Variants in TRDN observed in about 807,000 individuals in gnomAD.
TRDN encodes the protein triadin.
A neutral mutation model predicts 149.7 loss-of-function variants in TRDN; 161 were observed. That is an observed-to-expected ratio of 1.08 (90% confidence interval 0.95 to 1.23). TRDN has a LOEUF of 1.23. Ranked by LOEUF, TRDN falls within the 50% of genes most tolerant of loss-of-function variation. The probability of loss-of-function intolerance (pLI) is 0.00; values close to 1 mark genes in which losing one functional copy is unlikely to be tolerated. For missense variants in TRDN, 896 were observed against 823.5 expected, an observed-to-expected ratio of 1.09 and a Z score of -1.08; for synonymous variants, 294 against 250.5, an observed-to-expected ratio of 1.17 and a Z score of -1.64.
At chr6:123,221,393 G>C in intron 40 of TRDN, 94 bp downstream of exon 40, 1 of 826,626 alleles carries the variant, frequency 1.2e-6, no homozygotes, top group South Asian at 2.7e-5. Context: ...TTTTTTCTTC[G>C]AATACTGGTC....
chr6:123,270,088 A>G (rs1443647197), intron 30 of TRDN, among the ~76,000 whole-genome samples: 1 of 152,158 alleles, frequency 6.6e-6, no homozygotes, highest in African/African-American at 2.4e-5. Flanking sequence ...ATTTAAAACA[A>G]TCTATATATT....
chr6:123,532,087 AT>A (rs1780278062), intron 4 of TRDN, among the ~76,000 whole-genome samples: 1 of 152,010 alleles, frequency 6.6e-6, no homozygotes, highest in Non-Finnish European at 1.5e-5. Flanking sequence ...GACCTATACT[AT>A]CCAATGCAGT....
chr6:123,480,687 A>G (rs1777710195), intron 9 of TRDN, among the ~76,000 whole-genome samples: 1 of 152,134 alleles, frequency 6.6e-6, no homozygotes, highest in Non-Finnish European at 1.5e-5. Flanking sequence ...GAGAAGAAAT[A>G]AGAGGAAAAA....
intron 12 of TRDN, among the ~76,000 whole-genome samples, chr6:123,405,696 C>T (rs1479359282): frequency 2.0e-5 from 3 of 152,074 alleles, no homozygotes; most frequent in Non-Finnish European, 4.4e-5. Flanking sequence ...TTCAACCAGG[C>T]TCACATTATG....
chr6:123,540,210 T>C (rs1194208512), intron 4 of TRDN, among the ~76,000 whole-genome samples: 1 of 152,200 alleles, frequency 6.6e-6, no homozygotes, highest in African/African-American at 2.4e-5. Flanking sequence ...AACAGGGATA[T>C]GCTACTAAAT....
At chr6:123,284,006 A>ATATATAT (rs1427267027) in intron 24 of TRDN, among the ~76,000 whole-genome samples, 4 of 119,498 alleles carry the variant, frequency 3.3e-5, no homozygotes, top group South Asian at 2.6e-4. Flanking sequence ...ATATATATGT[A>ATATATAT]ACAAACCTGC....
chr6:123,287,219 G>C (rs1440625673), intron 24 of TRDN, among the ~76,000 whole-genome samples: 5 of 152,004 alleles, frequency 3.3e-5, no homozygotes, highest in Admixed American at 6.6e-5. Flanking sequence ...CAAATCTGAA[G>C]ACATTTCACA....
chr6:123,619,664 T>C (rs1785279092), intron 1 of TRDN, among the ~76,000 whole-genome samples: 1 of 152,126 alleles, frequency 6.6e-6, no homozygotes, highest in Non-Finnish European at 1.5e-5. Context: ...GAAGAACACA[T>C]GAGATGGGAA....
intron 31 of TRDN, among the ~76,000 whole-genome samples, chr6:123,269,080 G>C (rs957661919): frequency 1.3e-5 from 2 of 151,934 alleles, no homozygotes; most frequent in African/African-American, 4.8e-5. Flanking sequence ...TCATGCATTT[G>C]TCTAAGCTTG....
At chr6:123,552,423 A>G (rs1781446301) in intron 2 of TRDN, among the ~76,000 whole-genome samples, 1 of 152,082 alleles carries the variant, frequency 6.6e-6, no homozygotes, top group African/African-American at 2.4e-5. Context: ...TTTCACTGTT[A>G]TCTTTGGCCA....
At chr6:123,250,647 G>A (rs1776341541) in intron 38 of TRDN, among the ~76,000 whole-genome samples, 1 of 151,792 alleles carries the variant, frequency 6.6e-6, no homozygotes, top group Non-Finnish European at 1.5e-5. Flanking sequence ...ATTTTAATAT[G>A]GATCACAGAA....
intron 38 of TRDN, among the ~76,000 whole-genome samples, chr6:123,248,353 T>G (rs9388201): frequency 0.74 from 112,919 of 151,896 alleles, 42,639 homozygotes; most frequent in Admixed American, 0.82. Flanking sequence ...GGTCAGGAGT[T>G]CGAGACCAGA....
At chr6:123,439,118 G>T in intron 10 of TRDN, 115 bp from the exon 11 acceptor site, 3 of 713,926 alleles carry the variant, frequency 4.2e-6, no homozygotes, top group South Asian at 3.7e-5. Flanking sequence ...CTTTGTGACT[G>T]AGCAAGTAAT....
At chr6:123,315,669 A>G (rs2114697950) in intron 24 of TRDN, among the ~76,000 whole-genome samples, 1 of 152,070 alleles carries the variant, frequency 6.6e-6, no homozygotes, top group African/African-American at 2.4e-5. Flanking sequence ...TCTTTTGGAT[A>G]GATATAAACA....
chr6:123,470,614 C>G (rs1253407859), intron 9 of TRDN: 1 of 152,176 alleles, frequency 6.6e-6, no homozygotes, highest in African/African-American at 2.4e-5. Flanking sequence ...CCCCACTAAA[C>G]TATATGGAGT....
chr6:123,245,060 C>T (rs1017135085), intron 38 of TRDN, among the ~76,000 whole-genome samples: 7 of 152,146 alleles, frequency 4.6e-5, no homozygotes, highest in Non-Finnish European at 1.0e-4. Context: ...GATTTTGTCA[C>T]CACCAGGCCT....
chr6:123,623,994 T>G (rs536069818), intron 1 of TRDN, among the ~76,000 whole-genome samples: 1 of 152,316 alleles, frequency 6.6e-6, no homozygotes, highest in African/African-American at 2.4e-5. Flanking sequence ...CAAGAAACTT[T>G]GAACTGGCAG....
At chr6:123,354,956 C>G (rs1371498570) in intron 20 of TRDN, among the ~76,000 whole-genome samples, 5 of 151,682 alleles carry the variant, frequency 3.3e-5, no homozygotes, top group African/African-American at 1.2e-4. Context: ...CTACTACTGT[C>G]TCTTAGAAAA....
intron 9 of TRDN, among the ~76,000 whole-genome samples, chr6:123,479,633 C>G (rs1435822322): frequency 2.0e-5 from 3 of 152,138 alleles, no homozygotes; most frequent in African/African-American, 7.2e-5. Flanking sequence ...CCCAAGTATG[C>G]GGAGTCCCAG....
Sources: gnomAD v4.1 joint callset for allele counts (sites outside exome capture counted in the v4.1 genomes callset) on GRCh38, gnomAD v4.1.1 for gene constraint, MANE v1.5 for transcripts, NCBI Gene and HGNC (gene_info 2026-07-23, HGNC 2026-07-21) for gene names.